MEIS2: variants seen among roughly 807,000 people sequenced by gnomAD.
The protein encoded by MEIS2 is Meis homeobox 2.
In MEIS2, 9 loss-of-function variants were observed where a neutral mutation model predicts 58.6. The observed-to-expected ratio is 0.15, with a 90% CI of 0.09 to 0.27. The LOEUF (loss-of-function observed/expected upper bound fraction) is 0.27. Ranked by LOEUF, MEIS2 falls within the 10% of genes least tolerant of loss-of-function variation. The pLI is 1.00. For missense variants in MEIS2, 427 were observed against 635.0 expected (o/e 0.67, Z 3.52); for synonymous variants, 221 against 228.4 (o/e 0.97, Z 0.29).
In MEIS2 at chr15:37,091,140, C is replaced by T. The variant is rs571613255; in HGVS notation, c.639+2441G>A. 8.5e-5 allele frequency among the ~76,000 whole-genome samples: 13 copies of T among 152,214 alleles called. No homozygotes were observed. In the South Asian group the frequency reaches 2.7e-3, roughly 32 times the overall value. On this transcript the variant is annotated intron_variant, in intron 6 of 11. Coordinates refer to ENST00000561208, the MANE Select transcript of MEIS2 (RefSeq NM_170675.5). ...AGGTAGTGGTTCTTTGTTATTTTTACTTTGTGTTTGGCTAGGGGGTTGAAG... is the reference window on the plus strand; with the variant it reads ...AGGTAGTGGTTCTTTGTTATTTTTATTTTGTGTTTGGCTAGGGGGTTGAAG...
At chr15:36,908,289 G>A (rs1034888522) in intron 9 of MEIS2, among the ~76,000 whole-genome samples, 3 of 152,194 alleles carry the variant, frequency 2.0e-5, no homozygotes, top group African/African-American at 7.2e-5. Context: ...GCATCATCCC[G>A]TAATCATAAA....
intron 8 of MEIS2, among the ~76,000 whole-genome samples, chr15:36,966,045 C>T (rs144622890): frequency 6.6e-6 from 1 of 152,316 alleles, no homozygotes; most frequent in East Asian, 1.9e-4. Flanking sequence ...AAACTGCAAT[C>T]AAGCCAGGCT....
chr15:36,962,084 G>C (rs75491440), intron 8 of MEIS2, among the ~76,000 whole-genome samples: 17,999 of 152,208 alleles, frequency 0.12, 1,685 homozygotes, highest in East Asian at 0.32. Context: ...CAACTGCTTT[G>C]ATTAGTTGAG....
intron 6 of MEIS2, among the ~76,000 whole-genome samples, chr15:37,085,898 T>C (rs1178157130): frequency 6.6e-6 from 1 of 152,014 alleles, no homozygotes; most frequent in Non-Finnish European, 1.5e-5. Flanking sequence ...TCGTGTCAGC[T>C]GTTTGCCGGG....
intron 7 of MEIS2, among the ~76,000 whole-genome samples, chr15:37,055,267 C>T (rs1018156846): frequency 2.0e-5 from 3 of 152,144 alleles, no homozygotes; most frequent in Non-Finnish European, 4.4e-5. Flanking sequence ...AATATACATT[C>T]GACTATGAAC....
intron 8 of MEIS2, among the ~76,000 whole-genome samples, chr15:37,010,157 G>C (rs188219889): frequency 6.6e-6 from 1 of 151,738 alleles, no homozygotes; most frequent in South Asian, 2.1e-4. Flanking sequence ...GCGCGATCTC[G>C]GCTCACTGCA....
chr15:37,005,311 C>T (rs560510200), intron 8 of MEIS2, among the ~76,000 whole-genome samples: 2 of 152,204 alleles, frequency 1.3e-5, no homozygotes, highest in Non-Finnish European at 2.9e-5. Context: ...TGATAAAAAA[C>T]GAATATGAGA....
chr15:36,899,871 A>C (rs2056380862), intron 9 of MEIS2, among the ~76,000 whole-genome samples: 1 of 152,228 alleles, frequency 6.6e-6, no homozygotes. Context: ...GGTTTAAAAA[A>C]TAAGGGGAAA....
At chr15:36,964,721 C>G (rs2059300777) in intron 8 of MEIS2, among the ~76,000 whole-genome samples, 1 of 152,004 alleles carries the variant, frequency 6.6e-6, no homozygotes, top group African/African-American at 2.4e-5. Flanking sequence ...AATTTAATAC[C>G]CTAGTGGATA....
chr15:37,074,285 T>C (rs1223427533), intron 7 of MEIS2, among the ~76,000 whole-genome samples: 2 of 151,986 alleles, frequency 1.3e-5, no homozygotes, highest in African/African-American at 4.8e-5. Context: ...GAAAATAAAC[T>C]CTAATGCCTA....
intron 6 of MEIS2, among the ~76,000 whole-genome samples, chr15:37,088,989 A>T: frequency 6.6e-6 from 1 of 152,194 alleles, no homozygotes. Flanking sequence ...TCACAGTTAC[A>T]CTGAAAACAT....
At chr15:36,980,319 G>A (rs1043681659) in intron 8 of MEIS2, among the ~76,000 whole-genome samples, 4 of 151,960 alleles carry the variant, frequency 2.6e-5, no homozygotes, top group African/African-American at 7.2e-5. Flanking sequence ...ATATTAGTTC[G>A]TTTTCACGCT....
chr15:37,033,479 CG>C lies in MEIS2; in HGVS notation c.900+3334del, dbSNP rs1313932506. ...AAAAAAGAAAGAAAAAAGGGTACAT[CG>C]GGGATTATTGTAATACAAGAACAGG... On this transcript the variant is annotated intron_variant, in intron 8 of 11. Coordinates refer to ENST00000561208, the MANE Select transcript of MEIS2 (RefSeq NM_170675.5). Among the ~76,000 whole-genome samples the C allele has an allele frequency of 6.6e-5, 10 of 152,096 alleles. No individual in the cohort carries two copies. The East Asian group carries it at 1.9e-3, about 29-fold the overall frequency.
chr15:36,952,075 A>T (rs1486679474), intron 8 of MEIS2, among the ~76,000 whole-genome samples: 1 of 151,776 alleles, frequency 6.6e-6, no homozygotes, highest in Non-Finnish European at 1.5e-5. Context: ...TCCTCCTAAC[A>T]CTCTGATTCG....
intron 7 of MEIS2, among the ~76,000 whole-genome samples, chr15:37,069,696 T>A (rs1163263212): frequency 6.6e-6 from 1 of 152,120 alleles, no homozygotes; most frequent in Non-Finnish European, 1.5e-5. Flanking sequence ...ATGACAAAAA[T>A]ACCTTCTGGG....
At chr15:37,086,825 T>C (rs912234128) in intron 6 of MEIS2, among the ~76,000 whole-genome samples, 2 of 152,204 alleles carry the variant, frequency 1.3e-5, no homozygotes, top group African/African-American at 2.4e-5. Context: ...AATACAAATG[T>C]TGATAATCTG....
intron 8 of MEIS2, among the ~76,000 whole-genome samples, chr15:36,979,299 A>C (rs1567136770): frequency 1.3e-5 from 2 of 152,190 alleles, no homozygotes; most frequent in East Asian, 3.8e-4. Flanking sequence ...CCAAGAATAC[A>C]TATATTACAT....
At chr15:36,920,844 C>T (rs187154839) in intron 9 of MEIS2, among the ~76,000 whole-genome samples, 1 of 152,268 alleles carries the variant, frequency 6.6e-6, no homozygotes, top group African/African-American at 2.4e-5. Flanking sequence ...TGTTGTTCTA[C>T]ATCCTTTACC....
In MEIS2 at chr15:36,891,916, T is replaced by C. The variant is rs2055879841; in HGVS notation, c.*257A>G. The C allele has an allele frequency of 2.3e-5, 12 of 516,864 alleles. No homozygotes were observed. The East Asian group carries it at 4.1e-4, about 18-fold the overall frequency. 32.0% of individuals were successfully genotyped at this position (516,864 alleles called of 1,614,324 possible). On this transcript the variant is annotated 3_prime_UTR_variant, in exon 12 of 12. Transcript: ENST00000561208. Reference sequence around the variant, plus strand: ...GTACAAGTTTAACTTAGTTCCTATATTTATACTACAGTAGTTATAACTCTC... The same window carrying C: ...GTACAAGTTTAACTTAGTTCCTATACTTATACTACAGTAGTTATAACTCTC...
Sources: gnomAD v4.1 joint callset for allele counts (sites outside exome capture counted in the v4.1 genomes callset) on GRCh38, gnomAD v4.1.1 for gene constraint, MANE v1.5 for transcripts, NCBI Gene and HGNC (gene_info 2026-07-23, HGNC 2026-07-21) for gene names.